Variants in OR3A2 observed in about 807,000 individuals in gnomAD.
OR3A2 encodes the protein olfactory receptor 3A2.
For synonymous variants in OR3A2, 126 were observed against 159.3 expected, an observed-to-expected ratio of 0.79 and a Z score of 1.57; for missense variants, 318 against 392.8, an observed-to-expected ratio of 0.81 and a Z score of 1.61.
chr17:3,286,421 G>T (rs957891426), upstream of OR3A2, among the ~76,000 whole-genome samples: 1 of 152,120 alleles, frequency 6.6e-6, no homozygotes, highest in Non-Finnish European at 1.5e-5. Flanking sequence ...ATTCCTTTGG[G>T]TATATACTCA....
At chr17:3,371,031 C>T (rs151133) in intron 2 of OR3A2, among the ~76,000 whole-genome samples, 60,917 of 150,864 alleles carry the variant, frequency 0.4, 12,584 homozygotes, top group Admixed American at 0.52. Context: ...TACACAGACA[C>T]GGCAACCATC....
intron 3 of OR3A2, among the ~76,000 whole-genome samples, chr17:3,324,639 G>T (rs1454997388): frequency 6.6e-6 from 1 of 152,102 alleles, no homozygotes; most frequent in African/African-American, 2.4e-5. Context: ...GACCCTGTTT[G>T]CCTGGGTATC....
At chr17:3,336,469 C>T (rs1362672757) in intron 2 of OR3A2, among the ~76,000 whole-genome samples, 2 of 151,910 alleles carry the variant, frequency 1.3e-5, no homozygotes, top group African/African-American at 2.4e-5. Context: ...AGAAGTGTAA[C>T]TAATGATAGA....
chr17:3,283,738 T>C (rs1177407914), intron 1 of OR3A2, among the ~76,000 whole-genome samples: 1 of 152,070 alleles, frequency 6.6e-6, no homozygotes, highest in East Asian at 1.9e-4. Context: ...AGTCCACATC[T>C]TCTTTTTACT....
intron 2 of OR3A2, among the ~76,000 whole-genome samples, chr17:3,374,446 T>G (rs2049661911): frequency 6.6e-6 from 1 of 152,208 alleles, no homozygotes; most frequent in Non-Finnish European, 1.5e-5. Flanking sequence ...TTCTTATGTT[T>G]GGTTGTTTAA....
chr17:3,308,993 C>T (rs2049019550), intron 3 of OR3A2, among the ~76,000 whole-genome samples: 1 of 152,128 alleles, frequency 6.6e-6, no homozygotes, highest in Admixed American at 6.5e-5. Context: ...GCAACCTCCA[C>T]CTCCCAGGTT....
At chr17:3,314,363 T>C (rs1220778740) in intron 3 of OR3A2, among the ~76,000 whole-genome samples, 2 of 152,246 alleles carry the variant, frequency 1.3e-5, no homozygotes, top group African/African-American at 2.4e-5. Context: ...AACTCTGCTA[T>C]GCAAATATAA....
chr17:3,317,066 A>G (rs2049086811), intron 3 of OR3A2, among the ~76,000 whole-genome samples: 1 of 152,214 alleles, frequency 6.6e-6, no homozygotes, highest in Non-Finnish European at 1.5e-5. Flanking sequence ...GAGCTATTAA[A>G]CGGACAGGCA....
chr17:3,292,554 G>A, intron 3 of OR3A2: 1 of 1,611,442 alleles, frequency 6.2e-7, no homozygotes, highest in Non-Finnish European at 8.5e-7. Flanking sequence ...AGCAATGACT[G>A]TTCCATTGGC....
chr17:3,292,159 T>C, intron 3 of OR3A2: 1 of 1,614,064 alleles, frequency 6.2e-7, no homozygotes, highest in Non-Finnish European at 8.5e-7. Context: ...CTCTGGACTG[T>C]CTGACTCATG....
intron 2 of OR3A2, among the ~76,000 whole-genome samples, chr17:3,337,441 G>C (rs190641157): frequency 8.0e-4 from 122 of 151,604 alleles, no homozygotes; most frequent in African/African-American, 2.7e-3. Context: ...AACCCCACGA[G>C]AGGCCCCGGT....
At chr17:3,289,839 T>C (rs1009761286) in intron 3 of OR3A2, among the ~76,000 whole-genome samples, 4 of 152,138 alleles carry the variant, frequency 2.6e-5, no homozygotes, top group Non-Finnish European at 4.4e-5. Flanking sequence ...ACTCACTCTT[T>C]GTGTCCCTGA....
intron 2 of OR3A2, among the ~76,000 whole-genome samples, chr17:3,351,194 G>A (rs1269848417): frequency 6.9e-6 from 1 of 145,220 alleles, no homozygotes; most frequent in Non-Finnish European, 1.5e-5. Context: ...CAATTAGGCA[G>A]GAGAAGGAAA....
exon 2 of OR3A2, chr17:3,277,933 T>C (rs1178674398): frequency 6.5e-7 from 1 of 1,549,188 alleles, no homozygotes; most frequent in East Asian, 2.3e-5. Context: ...TTTTCCTCAG[T>C]CCAGAAAAGG....
At chr17:3,322,024 T>A (rs201492246) in intron 3 of OR3A2, among the ~76,000 whole-genome samples, 1 of 152,170 alleles carries the variant, frequency 6.6e-6, no homozygotes, top group Non-Finnish European at 1.5e-5. Context: ...CTTTTTTTGG[T>A]TGGTAAGCTA....
intron 3 of OR3A2, among the ~76,000 whole-genome samples, chr17:3,307,930 C>T (rs1470110438): frequency 6.6e-6 from 1 of 152,196 alleles, no homozygotes; most frequent in Non-Finnish European, 1.5e-5. Context: ...TGGATTAAAT[C>T]AGAAACCCAA....
intron 2 of OR3A2, among the ~76,000 whole-genome samples, chr17:3,344,556 C>A (rs548586929): frequency 6.6e-6 from 1 of 152,150 alleles, no homozygotes; most frequent in Non-Finnish European, 1.5e-5. Context: ...GATTTCTTTG[C>A]CTGCAAACCT....
chr17:3,372,043 C>A (rs1477949101), intron 2 of OR3A2, among the ~76,000 whole-genome samples: 1 of 135,866 alleles, frequency 7.4e-6, no homozygotes, highest in Non-Finnish European at 1.5e-5. Flanking sequence ...GGCTGCCGGG[C>A]GGAGGGGCTC....
rs147369043 is a variant in OR3A2 at position 3,360,334 on chromosome 17, T to C, written c.-179+23470A>G. The stretch of plus-strand genomic sequence containing the variant: ...GGATATTAGCCCATTGTCAGATGAG[T>C]AGATTGCAAAAATTTTCTCCTATTC... On this transcript the variant is annotated intron_variant, in intron 2 of 4. Transcript: ENST00000573491. Among the ~76,000 whole-genome samples, 1,408 of 151,760 alleles carry C rather than the reference T, an allele frequency of 9.3e-3. 67 individuals are homozygous for C. The highest frequency in any genetic ancestry group is 0.032 in the African/African-American group (1,321 of 41,040).
Sources: gnomAD v4.1 joint callset for allele counts (sites outside exome capture counted in the v4.1 genomes callset) on GRCh38, gnomAD v4.1.1 for gene constraint, MANE v1.5 for transcripts, NCBI Gene and HGNC (gene_info 2026-07-23, HGNC 2026-07-21) for gene names.